RPL13: variants seen among roughly 807,000 people sequenced by gnomAD.
The protein encoded by RPL13 is large ribosomal subunit protein eL13.
A neutral mutation model predicts 21.4 loss-of-function variants in RPL13; 1 was observed. That is an observed-to-expected ratio of 0.05 (90% confidence interval 0.02 to 0.22). RPL13 has a LOEUF of 0.22. RPL13 is among the 10% of genes least tolerant of loss of function. RPL13 has a pLI of 1.00. For missense variants in RPL13, 289 were observed against 303.0 expected (o/e 0.95, Z 0.34); for synonymous variants, 143 against 120.5 (o/e 1.19, Z -1.23).
chr16:89,560,705 C>A lies in RPL13; in HGVS notation c.-28C>A. On this transcript the variant is annotated 5_prime_UTR_variant, in exon 1 of 6. Transcript: ENST00000311528. ...TCCTTTCCGCTCGGCTGTTTTCCTG[C>A]GCAGGAGGTGAGGGAGACTGGGTCC... 2 of 426,438 alleles carry A rather than the reference C, an allele frequency of 4.7e-6. No individual in the cohort carries two copies. Among genetic ancestry groups the A allele is most frequent in the Non-Finnish European group, 8.3e-6 (2 of 240,592 alleles). 26.4% of individuals were successfully genotyped at this position (426,438 alleles called of 1,614,324 possible). A position where few individuals can be genotyped will look rare whatever the true frequency, so the allele number is the denominator to read the frequency against.
chr16:89,562,560 A>C, intron 5 of RPL13, 169 bp downstream of exon 5: 1 of 636,466 alleles, frequency 1.6e-6, no homozygotes, highest in Non-Finnish European at 2.7e-6. Context: ...ACTTCTTGCA[A>C]CCATGAAGCC....
At chr16:89,562,852 T>C (rs776431077) in intron 5 of RPL13, 32 bp from the exon 6 acceptor site, 1 of 1,502,882 alleles carries the variant, frequency 6.7e-7, no homozygotes, top group Admixed American at 2.4e-5. Context: ...CTTTGGTGCA[T>C]GTGGGTTTAA....
rs990063658 is a variant in RPL13, at chr16:89,562,128, T to TAC, written c.421-207_421-206insAC. 82 of 616,576 alleles carry TAC rather than the reference T, an allele frequency of 1.3e-4. No individual in the cohort carries two copies. The African/African-American group carries it at 1.4e-3, about 10-fold the overall frequency. The allele number at this position is 616,576 out of a possible 1,614,324, so 38.2% of individuals were successfully genotyped here. A position where few individuals can be genotyped will look rare whatever the true frequency, so the allele number is the denominator to read the frequency against. On this transcript the variant is annotated intron_variant, in intron 4 of 5. Transcript: ENST00000311528. Reference sequence around the variant, plus strand: ...CGTGGTTCACAGGTAGATAACTGTCTCGTGCGTGTTGCGTCAACTCAGTAA... The same window carrying TAC: ...CGTGGTTCACAGGTAGATAACTGTCTACCGTGCGTGTTGCGTCAACTCAGTAA...
downstream of RPL13, chr16:89,566,436 C>T (rs539802298): frequency 2.6e-5 from 4 of 152,354 alleles, no homozygotes; most frequent in East Asian, 7.7e-4. Context: ...GTTTATTTTG[C>T]TTTTTCTTTT....
At chr16:89,565,739 C>T (rs1298691405), downstream of RPL13, 1 of 151,372 alleles carries the variant, frequency 6.6e-6, no homozygotes, top group Non-Finnish European at 1.5e-5. Flanking sequence ...TGGAACCAGC[C>T]CTCTGTGCCA....
Position 89,562,325 on chromosome 16 carries a change from T to G in RPL13, c.421-10T>G. 1 of 1,613,110 alleles carries G rather than the reference T, an allele frequency of 6.2e-7. No individual in the cohort carries two copies. The highest frequency in any genetic ancestry group is 1.1e-5 in the South Asian group (1 of 90,958). ...GCCAACCCCACTTAACTCTTCTCAT[T>G]CACCAACAGGCTGAAGAACTGAAAC... On this transcript the variant is annotated splice_polypyrimidine_tract_variant and intron_variant, in intron 4 of 5. Coordinates refer to ENST00000311528, the MANE Select transcript of RPL13 (RefSeq NM_000977.4).
intron 4 of RPL13, 170 bp downstream of exon 4, chr16:89,561,921 C>G (rs1397839792): frequency 1.3e-6 from 1 of 748,262 alleles, no homozygotes; most frequent in African/African-American, 1.8e-5. Flanking sequence ...GCAGAGATAA[C>G]CTTAATGGAC....
intron 2 of RPL13, 50 bp downstream of exon 2, chr16:89,561,113 C>G (rs752289365): frequency 6.4e-7 from 1 of 1,556,122 alleles, no homozygotes; most frequent in East Asian, 2.4e-5. Flanking sequence ...CGCGGCTGCG[C>G]CTTGGCTTGC....
chr16:89,563,468 C>G lies in RPL13; in HGVS notation c.*426C>G, dbSNP rs2058760747. 6.6e-6 allele frequency: 1 copy of G among 152,442 alleles called. No homozygotes were observed. Among genetic ancestry groups the G allele is most frequent in the African/African-American group, 2.4e-5 (1 of 41,424 alleles). 9.4% of individuals were successfully genotyped at this position (152,442 alleles called of 1,614,324 possible). On this transcript the variant is annotated 3_prime_UTR_variant, in exon 6 of 6. Transcript: ENST00000311528. Reference sequence around the variant, plus strand: ...TGGTGCTGCACACTTGTAGTTGCAGCTCCTGGGAGGCAGAGGTGAGGGATC... The same window carrying G: ...TGGTGCTGCACACTTGTAGTTGCAGGTCCTGGGAGGCAGAGGTGAGGGATC...
rs527994266 is a variant in RPL13, at chr16:89,561,528, G to T, written c.247-50G>T. 1.9e-6 allele frequency: 3 copies of T among 1,612,996 alleles called. No homozygotes were observed. The African/African-American group carries it at 4.0e-5, about 21-fold the overall frequency. On this transcript the variant is annotated intron_variant, in intron 3 of 5. Transcript: ENST00000311528. ...CTGAGGCTTTTCATCCAGGCCTCGG[G>T]GCTGGAGAAAGCCCGGGCCTGTCTC...
chr16:89,561,257 C>T lies in RPL13; in HGVS notation c.135C>T (p.Arg45=). Residue 45 remains arginine (R), a synonymous_variant, in exon 3 of 6, where the codon CGC becomes CGT. Transcript: ENST00000311528. ...RRKARQAKAR[R]IAPRPASGPI... Reference sequence around the variant, plus strand: ...AGGCCCGGCAAGCCAAGGCGCGCCGCATCGCCCCGCGCCCCGCGTCGGGTC... The same window carrying T: ...AGGCCCGGCAAGCCAAGGCGCGCCGTATCGCCCCGCGCCCCGCGTCGGGTC... 2 of 1,552,358 alleles carry T rather than the reference C, an allele frequency of 1.3e-6. No individual in the cohort carries two copies. The highest frequency in any genetic ancestry group is 8.7e-7 in the Non-Finnish European group (1 of 1,154,044).
rs377540188 is a variant in RPL13 at position 89,562,405 on chromosome 16, T to TA, written c.477+15dup. ...CCCGTCCGGAACGTAAGTGAACACTTACTCAAATCCAGGCTTCAGACGAGA... is the reference window on the plus strand; with the variant it reads ...CCCGTCCGGAACGTAAGTGAACACTTAACTCAAATCCAGGCTTCAGACGAGA... On this transcript the variant is annotated intron_variant, in intron 5 of 5. Coordinates refer to ENST00000311528, the MANE Select transcript of RPL13 (RefSeq NM_000977.4). 1.2e-5 allele frequency: 19 copies of TA among 1,608,958 alleles called. No homozygotes were observed. The African/African-American group carries it at 1.2e-4, about 10-fold the overall frequency.
chr16:89,561,131 C>A (rs1369847367), intron 2 of RPL13, 68 bp downstream of exon 2: 1 of 1,532,492 alleles, frequency 6.5e-7, no homozygotes, highest in Non-Finnish European at 8.8e-7. Context: ...TGCGGGTGGC[C>A]GATGCCAGGG....
In RPL13 at chr16:89,561,055, G is replaced by C; in HGVS notation, c.96G>C (p.Lys32Asn). Residue 32 changes from lysine to asparagine, a missense_variant, in exon 2 of 6, where the codon AAG (lysine) becomes AAC (asparagine). By Grantham distance (94) the Lys-to-Asn change is moderately conservative. Coordinates refer to ENST00000311528, the MANE Select transcript of RPL13 (RefSeq NM_000977.4). ...CGTGGTTCAACCAGCCGGCCCGTAAGATCCGCAGGTGAGCCCTGCGCTCGG... is the reference window on the plus strand; with the variant it reads ...CGTGGTTCAACCAGCCGGCCCGTAACATCCGCAGGTGAGCCCTGCGCTCGG... Reference protein sequence around the residue: ...VATWFNQPARKIRRRKARQAK... With the variant: ...VATWFNQPARNIRRRKARQAK... 1 of 1,606,074 alleles carries C rather than the reference G, an allele frequency of 6.2e-7. No individual in the cohort carries two copies. Among genetic ancestry groups the C allele is most frequent in the Non-Finnish European group, 8.5e-7 (1 of 1,177,784 alleles).
At chr16:89,564,883 T>C (rs2058772832), downstream of RPL13, 1 of 152,424 alleles carries the variant, frequency 6.6e-6, no homozygotes, top group Non-Finnish European at 1.5e-5. Context: ...GAGTAGGTAA[T>C]GCCATGTGGT....
At chr16:89,562,493 A>G in intron 5 of RPL13, 102 bp downstream of exon 5, 1 of 1,121,412 alleles carries the variant, frequency 8.9e-7, no homozygotes, top group South Asian at 1.5e-5. Flanking sequence ...AAGAACGTTA[A>G]TAGTGGCAGT....
At position 89,563,124 on chromosome 16, in the gene RPL13, G is replaced by C; in HGVS notation, c.*82G>C. 7.6e-7 allele frequency: 1 copy of C among 1,318,154 alleles called. No homozygotes were observed. The highest frequency in any genetic ancestry group is 2.9e-5 in the East Asian group (1 of 34,946). The allele number at this position is 1,318,154 out of a possible 1,614,324, so 81.7% of individuals were successfully genotyped here. A position where few individuals can be genotyped will look rare whatever the true frequency, so the allele number is the denominator to read the frequency against. On this transcript the variant is annotated 3_prime_UTR_variant, in exon 6 of 6. Coordinates refer to ENST00000311528, the MANE Select transcript of RPL13 (RefSeq NM_000977.4). ...GTTTCGTGGGAACAACTGGGCCTGGGATGGGGCTTCACTGCTGTGACTTCC... is the reference window on the plus strand; with the variant it reads ...GTTTCGTGGGAACAACTGGGCCTGGCATGGGGCTTCACTGCTGTGACTTCC...
intron 5 of RPL13, 185 bp downstream of exon 5, chr16:89,562,576 T>G (rs191464677): frequency 5.0e-6 from 3 of 603,478 alleles, no homozygotes; most frequent in Non-Finnish European, 8.5e-6. Flanking sequence ...AAGCCATACA[T>G]TGGGAAGTAT....
At chr16:89,561,881 G>T in intron 4 of RPL13, 130 bp downstream of exon 4, 1 of 1,023,174 alleles carries the variant, frequency 9.8e-7, no homozygotes. Flanking sequence ...TGAGCTAAGC[G>T]GGACTGCTAA....
Sources: allele counts gnomAD v4.1 joint callset, GRCh38; gene constraint gnomAD v4.1.1; transcripts MANE v1.5; gene names NCBI Gene and HGNC (gene_info 2026-07-23, HGNC 2026-07-21).